MTAP: variants seen among roughly 807,000 people sequenced by gnomAD.
MTAP encodes the protein S-methyl-5'-thioadenosine phosphorylase.
MTAP carries 33 observed loss-of-function variants against 33.6 expected under a neutral mutation model. The observed-to-expected ratio is 0.98, with a 90% CI of 0.74 to 1.31. The LOEUF is 1.31. Ranked by LOEUF, MTAP falls within the 40% of genes most tolerant of loss-of-function variation. The pLI is 0.00. For missense variants in MTAP, 367 were observed against 360.0 expected, an observed-to-expected ratio of 1.02 and a Z score of -0.16; for synonymous variants, 148 against 125.7, an observed-to-expected ratio of 1.18 and a Z score of -1.19.
At chr9:21,901,073 T>A (rs1818384944) in intron 1 of MTAP, among the ~76,000 whole-genome samples, 3 of 152,210 alleles carry the variant, frequency 2.0e-5, no homozygotes, top group South Asian at 4.1e-4. Flanking sequence ...GGTACTATGC[T>A]TATTACCTGG....
At chr9:21,848,722 A>G (rs913888565) in intron 5 of MTAP, among the ~76,000 whole-genome samples, 1 of 152,172 alleles carries the variant, frequency 6.6e-6, no homozygotes, top group African/African-American at 2.4e-5. Flanking sequence ...CAGCACTGGG[A>G]TCTTTGAAGA....
At chr9:21,815,587 A>T in intron 2 of MTAP, 68 bp downstream of exon 2, 1 of 813,064 alleles carries the variant, frequency 1.2e-6, no homozygotes, top group South Asian at 1.6e-5. Context: ...TTGATTTTTG[A>T]ATTAAAAAAA....
At chr9:21,884,259 CAT>C (rs1000185779) in intron 1 of MTAP, among the ~76,000 whole-genome samples, 2 of 152,068 alleles carry the variant, frequency 1.3e-5, no homozygotes, top group Admixed American at 1.3e-4. Flanking sequence ...TACACCAACA[CAT>C]ATATAAAAAC....
chr9:21,903,470 T>TTGC (rs1404346541), intron 1 of MTAP, among the ~76,000 whole-genome samples: 1 of 152,170 alleles, frequency 6.6e-6, no homozygotes, highest in Non-Finnish European at 1.5e-5. Flanking sequence ...ACTTCTCACA[T>TTGC]TGCTGCCATC....
chr9:21,818,229 G>A (rs1241578923), intron 4 of MTAP, 27 bp downstream of exon 4: 2 of 1,601,098 alleles, frequency 1.2e-6, no homozygotes, highest in East Asian at 2.3e-5. Context: ...AATGCTTTAG[G>A]CTATTGTAGC....
At chr9:21,897,493 GC>G (rs1409705163) in intron 1 of MTAP, among the ~76,000 whole-genome samples, 1 of 152,150 alleles carries the variant, frequency 6.6e-6, no homozygotes, top group Non-Finnish European at 1.5e-5. Context: ...CATTGTCTCA[GC>G]CCAAAATCTC....
At position 21,854,820 on chromosome 9, in the gene MTAP, A is replaced by C; in HGVS notation, c.640A>C (p.Ser214Arg). ...TAAGGAGGCTGGAATTTGTTACGCA[A>C]GTATCGCCATGGCGACAGATTATGA... ...LAKEAGICYA[S>R]IAMATDYDCW... The change falls in exon 6 of 8, where the codon AGT becomes CGT. Residue 214 changes from serine to arginine, a missense_variant. Transcript: ENST00000644715. The C allele has an allele frequency of 6.2e-7, 1 of 1,614,194 alleles. No homozygotes were observed. Among genetic ancestry groups the C allele is most frequent in the Non-Finnish European group, 8.5e-7 (1 of 1,179,998 alleles).
At chr9:21,806,161 C>G (rs1824202544) in intron 1 of MTAP, among the ~76,000 whole-genome samples, 1 of 151,910 alleles carries the variant, frequency 6.6e-6, no homozygotes, top group Non-Finnish European at 1.5e-5. Context: ...ACAGAATAGC[C>G]TGTGGGCAGG....
At chr9:21,811,666 C>T (rs1045672433) in intron 1 of MTAP, 14 of 528,204 alleles carry the variant, frequency 2.7e-5, no homozygotes, top group Admixed American at 5.8e-5. Flanking sequence ...CCTCCTCAGC[C>T]GTGGCCTCCT....
In MTAP at chr9:21,863,586, G is replaced by A; in HGVS notation, c.*1572G>A. ...TGCAGTGAGACGAGCTTGTGCCACT[G>A]CACTCCAGCCTGGGCAACAGAGTAA... On this transcript the variant is annotated 3_prime_UTR_variant, in exon 8 of 8. Transcript: ENST00000644715. 1.1e-6 allele frequency: 1 copy of A among 942,730 alleles called. No homozygotes were observed. The highest frequency in any genetic ancestry group is 1.3e-6 in the Non-Finnish European group (1 of 791,734). 58.4% of individuals were successfully genotyped at this position (942,730 alleles called of 1,614,324 possible).
At chr9:21,930,595 C>G in intron 1 of MTAP, 2 of 363,954 alleles carry the variant, frequency 5.5e-6, no homozygotes, top group South Asian at 4.6e-5. Context: ...CCTCCTTGAC[C>G]TATAGCCAAC....
chr9:21,923,625 AC>A (rs1162776897), intron 1 of MTAP, among the ~76,000 whole-genome samples: 4 of 152,036 alleles, frequency 2.6e-5, no homozygotes, highest in African/African-American at 9.7e-5. Flanking sequence ...TCTGGATATT[AC>A]CCCAGGAGGA....
At position 21,837,912 on chromosome 9, in the gene MTAP, A is replaced by C; in HGVS notation, c.352A>C (p.Thr118Pro). Residue 118 changes from threonine to proline, a missense_variant, in exon 5 of 8, where the codon ACT (threonine) becomes CCT (proline). By Grantham distance (38) the Thr-to-Pro change is conservative. Coordinates refer to ENST00000644715, the MANE Select transcript of MTAP (RefSeq NM_002451.4). ...CTTTTTTGCTTTATTTTGTAGGACCACTATGAGACCTCAGTCCTTCTATGA... is the reference window on the plus strand; with the variant it reads ...CTTTTTTGCTTTATTTTGTAGGACCCCTATGAGACCTCAGTCCTTCTATGA... ...VIIDQFIDRT[T>P]MRPQSFYDGS... is the part of the protein sequence containing the mutation. The C allele has an allele frequency of 1.2e-6, 2 of 1,613,148 alleles. No individual in the cohort carries two copies. The highest frequency in any genetic ancestry group is 1.7e-6 in the Non-Finnish European group (2 of 1,179,424).
intron 1 of MTAP, among the ~76,000 whole-genome samples, chr9:21,873,862 G>GA (rs1825969489): frequency 1.3e-5 from 2 of 152,058 alleles, no homozygotes; most frequent in East Asian, 1.9e-4. Flanking sequence ...GTGTATAAGT[G>GA]AAAAAAGGAC....
At chr9:21,812,073 A>G (rs140147522) in intron 1 of MTAP, 3 of 237,350 alleles carry the variant, frequency 1.3e-5, no homozygotes, top group Non-Finnish European at 2.5e-5. Context: ...CTTGGCATCA[A>G]AGAACTGCCA....
At chr9:21,832,676 G>A (rs182608836) in intron 4 of MTAP, among the ~76,000 whole-genome samples, 2 of 152,256 alleles carry the variant, frequency 1.3e-5, no homozygotes, top group Non-Finnish European at 2.9e-5. Flanking sequence ...CTTACGTTCT[G>A]TTCCATAACC....
intron 4 of MTAP, among the ~76,000 whole-genome samples, chr9:21,837,083 CA>C (rs1478872534): frequency 3.3e-5 from 5 of 152,160 alleles, no homozygotes; most frequent in African/African-American, 1.2e-4. Flanking sequence ...AAACTTCTGA[CA>C]AGAAATTTCC....
intron 5 of MTAP, among the ~76,000 whole-genome samples, chr9:21,843,550 C>T (rs1220344579): frequency 6.6e-6 from 1 of 152,162 alleles, no homozygotes; most frequent in African/African-American, 2.4e-5. Context: ...CAAGTACTCT[C>T]TCAGATCAAA....
Position 21,865,307 on chromosome 9 carries a change from TC to T in MTAP, c.*3297del. ...TCATGTGAAGAAGGACGTGTTTGTT[TC>T]CCCTTCTGCCACGATTGTAAGTTTC... On this transcript the variant is annotated 3_prime_UTR_variant, in exon 8 of 8. Transcript: ENST00000644715. 2 of 517,560 alleles carry T rather than the reference TC, an allele frequency of 3.9e-6. No individual in the cohort carries two copies. The highest frequency in any genetic ancestry group is 1.7e-4 in the South Asian group (2 of 12,076). The allele number at this position is 517,560 out of a possible 1,614,324, so 32.1% of individuals were successfully genotyped here.
Sources: allele counts gnomAD v4.1 joint callset (sites outside exome capture counted in the v4.1 genomes callset), GRCh38; gene constraint gnomAD v4.1.1; transcripts MANE v1.5; gene names NCBI Gene and HGNC (gene_info 2026-07-23, HGNC 2026-07-21).